The following TENM3 variants were observed in gnomAD, a reference collection of about 807,000 sequenced individuals.
The protein encoded by TENM3 is teneurin transmembrane protein 3.
In TENM3, 63 loss-of-function variants were observed where a neutral mutation model predicts 255.1. That is an observed-to-expected ratio of 0.25 (90% CI 0.20 to 0.30). The LOEUF (loss-of-function observed/expected upper bound fraction) is 0.30. Among genes scored for constraint, TENM3 ranks in the 10% least tolerant of loss-of-function variants. The pLI, the probability that TENM3 is intolerant of heterozygous loss-of-function variation, is 1.00. For synonymous variants in TENM3, 1,306 were observed against 1,322.3 expected (o/e 0.99, Z 0.27); for missense variants, 2,929 against 3,461.1 (o/e 0.85, Z 3.86).
At chr4:181,846,720 CTG>C in the TENM3 span, among the ~76,000 whole-genome samples, 1 of 152,036 alleles carries the variant, frequency 6.6e-6, no homozygotes, top group Non-Finnish European at 1.5e-5. Context: ...TAATTGACCA[CTG>C]TGTGTTAGAC....
the TENM3 span, among the ~76,000 whole-genome samples, chr4:182,105,044 T>G: frequency 6.6e-6 from 1 of 152,060 alleles, no homozygotes; most frequent in Admixed American, 6.6e-5. Context: ...AAAGCTCATT[T>G]CTACAGAATG....
the TENM3 span, among the ~76,000 whole-genome samples, chr4:181,859,236 C>T: frequency 1.3e-5 from 1 of 79,358 alleles, no homozygotes; most frequent in Non-Finnish European, 2.3e-5. Flanking sequence ...GAGTGAGACT[C>T]GGTCTCAAAA....
the TENM3 span, among the ~76,000 whole-genome samples, chr4:181,466,095 C>T: frequency 6.7e-6 from 1 of 149,280 alleles, no homozygotes; most frequent in Non-Finnish European, 1.5e-5. Context: ...GTGGAAGGAG[C>T]CTGAGTCTCC....
chr4:182,364,429 T>G (rs1422378563), intron 3 of TENM3, among the ~76,000 whole-genome samples: 1 of 152,232 alleles, frequency 6.6e-6, no homozygotes, highest in Non-Finnish European at 1.5e-5. Context: ...TTGTTTTTGT[T>G]TTTTTGAGAC....
At chr4:182,250,484 C>A (rs1757946285) in intron 1 of TENM3, among the ~76,000 whole-genome samples, 2 of 152,018 alleles carry the variant, frequency 1.3e-5, no homozygotes, top group Admixed American at 6.6e-5. Flanking sequence ...TAAGGTAACA[C>A]AACTCGTAAA....
At chr4:181,525,366 C>T in the TENM3 span, among the ~76,000 whole-genome samples, 1 of 144,110 alleles carries the variant, frequency 6.9e-6, no homozygotes, top group African/African-American at 2.6e-5. Context: ...CACTACACTC[C>T]AGCCTGGGCG....
the TENM3 span, among the ~76,000 whole-genome samples, chr4:181,450,175 C>A: frequency 1.3e-5 from 2 of 152,044 alleles, no homozygotes; most frequent in African/African-American, 4.8e-5. Context: ...TAAGTTCAGG[C>A]GTATACCTGA....
intron 3 of TENM3, among the ~76,000 whole-genome samples, chr4:182,600,533 T>C (rs1038381431): frequency 2.6e-5 from 4 of 152,198 alleles, no homozygotes; most frequent in African/African-American, 7.2e-5. Context: ...CTTTGTGTTC[T>C]ACTGAAATTA....
chr4:182,473,530 A>G (rs187327079), intron 3 of TENM3, among the ~76,000 whole-genome samples: 4,013 of 152,122 alleles, frequency 0.026, 141 homozygotes, highest in African/African-American at 0.079. Flanking sequence ...AAAATTAGCC[A>G]GGCGTGGTGG....
At chr4:182,055,658 G>A in the TENM3 span, among the ~76,000 whole-genome samples, 1 of 152,096 alleles carries the variant, frequency 6.6e-6, no homozygotes, top group African/African-American at 2.4e-5. Flanking sequence ...TTGCCAGCTA[G>A]AGAAATGGCA....
At chr4:182,484,533 A>G (rs1266034000) in intron 3 of TENM3, among the ~76,000 whole-genome samples, 1 of 152,204 alleles carries the variant, frequency 6.6e-6, no homozygotes, top group Non-Finnish European at 1.5e-5. Context: ...GTTGGTTGAT[A>G]TGAATTACCC....
Position 182,362,219 on chromosome 4 carries a change from C to T in TENM3, c.511+15290C>T, listed in dbSNP as rs568641819. ...CTGCCCGTTCTCAGATCTCCAGCTG[C>T]ATGCTGGGAGAACCACTGCTCTCTT... On this transcript the variant is annotated intron_variant, in intron 3 of 27. Transcript: ENST00000511685. 2.5e-3 allele frequency among the ~76,000 whole-genome samples: 378 copies of T among 150,426 alleles called. 2 individuals are homozygous for T. The highest frequency in any genetic ancestry group is 7.0e-3 in the Middle Eastern group (2 of 286).
At chr4:181,671,606 G>A in the TENM3 span, among the ~76,000 whole-genome samples, 11 of 152,166 alleles carry the variant, frequency 7.2e-5, no homozygotes, top group African/African-American at 2.7e-4. Flanking sequence ...AGCACTTGGT[G>A]CTCGACGTAC....
the TENM3 span, among the ~76,000 whole-genome samples, chr4:182,027,004 A>G: frequency 6.6e-6 from 1 of 151,948 alleles, no homozygotes; most frequent in African/African-American, 2.4e-5. Flanking sequence ...GAAGAATGTC[A>G]TTATTTTGAT....
chr4:182,190,577 A>ATT (rs1561182135), intron 1 of TENM3, among the ~76,000 whole-genome samples: 1 of 152,208 alleles, frequency 6.6e-6, no homozygotes, highest in Admixed American at 6.5e-5. Context: ...TCCCATGACA[A>ATT]TTAACAGACC....
chr4:181,499,022 T>C, the TENM3 span, among the ~76,000 whole-genome samples: 1 of 152,200 alleles, frequency 6.6e-6, no homozygotes, highest in Non-Finnish European at 1.5e-5. Flanking sequence ...TTTACTCATA[T>C]ATTCCATTCT....
At chr4:181,689,842 C>T in the TENM3 span, among the ~76,000 whole-genome samples, 2 of 152,132 alleles carry the variant, frequency 1.3e-5, no homozygotes, top group Admixed American at 6.6e-5. Flanking sequence ...AGGTCGGTTA[C>T]GGATACATCC....
At chr4:181,653,298 C>T in the TENM3 span, among the ~76,000 whole-genome samples, 5 of 152,182 alleles carry the variant, frequency 3.3e-5, no homozygotes, top group Admixed American at 2.0e-4. Context: ...GGGGCAGGAT[C>T]GAAGAATCTG....
chr4:181,686,669 T>C, the TENM3 span, among the ~76,000 whole-genome samples: 1 of 152,202 alleles, frequency 6.6e-6, no homozygotes, highest in Non-Finnish European at 1.5e-5. Context: ...AAAATGATTC[T>C]ATAAAATTAA....
Sources: allele counts gnomAD v4.1 joint callset (sites outside exome capture counted in the v4.1 genomes callset), GRCh38; gene constraint gnomAD v4.1.1; transcripts MANE v1.5; gene names NCBI Gene and HGNC (gene_info 2026-07-23, HGNC 2026-07-21).